The following MACROH2A2 variants were observed in gnomAD, a reference collection of about 807,000 sequenced individuals.
MACROH2A2 encodes core histone macro-H2A.2.
A neutral mutation model predicts 37.6 loss-of-function variants in MACROH2A2; 6 were observed. The observed-to-expected ratio is 0.16, with a 90% CI of 0.09 to 0.32. The LOEUF is 0.32. Among genes scored for constraint, MACROH2A2 ranks in the 10% least tolerant of loss-of-function variants. The pLI, the probability that MACROH2A2 is intolerant of heterozygous loss-of-function variation, is 1.00. For missense variants in MACROH2A2, 290 were observed against 485.9 expected (o/e 0.60, Z 3.79); for synonymous variants, 192 against 202.7 (o/e 0.95, Z 0.45).
chr10:70,071,020 C>T (rs55919533), intron 1 of MACROH2A2, among the ~76,000 whole-genome samples: 10,632 of 150,682 alleles, frequency 0.071, 430 homozygotes, highest in Middle Eastern at 0.19. Context: ...TGTGTGAGCG[C>T]GTGCATGTAT....
chr10:70,072,128 T>G (rs1438443718), intron 1 of MACROH2A2, among the ~76,000 whole-genome samples: 1 of 152,184 alleles, frequency 6.6e-6, no homozygotes, highest in Non-Finnish European at 1.5e-5. Flanking sequence ...TAATAACACT[T>G]AGCTTAAAAC....
At chr10:70,077,273 A>C (rs1183153499) in intron 2 of MACROH2A2, among the ~76,000 whole-genome samples, 1 of 152,222 alleles carries the variant, frequency 6.6e-6, no homozygotes, top group African/African-American at 2.4e-5. Context: ...TGCTTGTTTC[A>C]AATGCAAGTT....
intron 4 of MACROH2A2, among the ~76,000 whole-genome samples, chr10:70,092,902 G>A (rs1356418238): frequency 2.6e-5 from 4 of 152,120 alleles, no homozygotes; most frequent in African/African-American, 4.8e-5. Flanking sequence ...TATACTAGGT[G>A]TTTGGGTTAG....
In MACROH2A2 at chr10:70,100,237, G is replaced by A; in HGVS notation, c.718G>A (p.Glu240Lys). Reference protein sequence around the residue: ...GKALEKAGGKEFLETVKELRK... With the variant: ...GKALEKAGGKKFLETVKELRK... Reference sequence around the variant, plus strand: ...AGCCTTGGAAAAGGCTGGGGGAAAAGAGTTCTTGGAAACGGTAAAGGAGCT... The same window carrying A: ...AGCCTTGGAAAAGGCTGGGGGAAAAAAGTTCTTGGAAACGGTAAAGGAGCT... Residue 240 changes from glutamate to lysine, a missense_variant, in exon 7 of 9, where the codon GAG becomes AAG. This residue lies in a region of MACROH2A2 where 130 missense variants were observed against 257.1 expected (regional missense o/e 0.51). Coordinates refer to ENST00000373255, the MANE Select transcript of MACROH2A2 (RefSeq NM_018649.3). 1.2e-6 allele frequency: 2 copies of A among 1,611,096 alleles called. No individual in the cohort carries two copies. Among genetic ancestry groups the A allele is most frequent in the Non-Finnish European group, 1.7e-6 (2 of 1,177,502 alleles).
intron 7 of MACROH2A2, among the ~76,000 whole-genome samples, chr10:70,108,822 T>G (rs2072352681): frequency 6.6e-6 from 1 of 151,756 alleles, no homozygotes; most frequent in Admixed American, 6.6e-5. Flanking sequence ...CATTAAACGC[T>G]TCTACCCAAA....
intron 1 of MACROH2A2, among the ~76,000 whole-genome samples, chr10:70,060,725 A>G (rs1018253986): frequency 6.6e-6 from 1 of 152,272 alleles, no homozygotes; most frequent in Non-Finnish European, 1.5e-5. Context: ...GCTGCTTATA[A>G]CAATAAACTG....
At chr10:70,095,624 C>A in intron 5 of MACROH2A2, 30 bp from the exon 6 acceptor site, 1 of 1,002,778 alleles carries the variant, frequency 1.0e-6, no homozygotes, top group South Asian at 1.3e-5. Context: ...TTATCTTTTC[C>A]ACATTCACCA....
At chr10:70,095,594 T>A (rs1352924239) in intron 5 of MACROH2A2, 60 bp from the exon 6 acceptor site, 1 of 832,036 alleles carries the variant, frequency 1.2e-6, no homozygotes, top group Non-Finnish European at 2.1e-6. Context: ...AAGTAAAATA[T>A]GAGATTTTTC....
rs34688764 is a variant in MACROH2A2, at chr10:70,081,068, C to CAAAA, written c.172+5259_172+5262dup. Among the ~76,000 whole-genome samples, 19 of 45,812 alleles carry CAAAA rather than the reference C, an allele frequency of 4.1e-4. 1 individual carries two copies. The highest frequency in any genetic ancestry group is 1.4e-3 in the African/African-American group (16 of 11,308). The allele number at this position is 45,812 out of a possible 152,430, so 30.1% of individuals were successfully genotyped here. A position where few individuals can be genotyped will look rare whatever the true frequency, so the allele number is the denominator to read the frequency against. ...GGTGACCAAGCAAGGCCCTGTCTCT[C>CAAAA]AAAAAAAAAAAAAAAAAAAAAAAAG... On this transcript the variant is annotated intron_variant, in intron 2 of 8. Coordinates refer to ENST00000373255, the MANE Select transcript of MACROH2A2 (RefSeq NM_018649.3).
chr10:70,101,120 T>G (rs572232671), intron 7 of MACROH2A2, among the ~76,000 whole-genome samples: 1 of 152,168 alleles, frequency 6.6e-6, no homozygotes, highest in South Asian at 2.1e-4. Flanking sequence ...AGAGAGAAAG[T>G]GGGTCCAGGG....
intron 7 of MACROH2A2, among the ~76,000 whole-genome samples, chr10:70,104,204 A>G (rs959492096): frequency 6.6e-6 from 1 of 152,212 alleles, no homozygotes; most frequent in Non-Finnish European, 1.5e-5. Flanking sequence ...CTCTTATTGT[A>G]TGTAACATTA....
intron 7 of MACROH2A2, among the ~76,000 whole-genome samples, chr10:70,103,145 A>G (rs1244565198): frequency 6.6e-6 from 1 of 152,180 alleles, no homozygotes; most frequent in Admixed American, 6.5e-5. Context: ...AAGGGAGAAG[A>G]GAGCCCCTCA....
intron 1 of MACROH2A2, among the ~76,000 whole-genome samples, chr10:70,064,679 G>A (rs938346227): frequency 6.6e-6 from 1 of 152,180 alleles, no homozygotes; most frequent in African/African-American, 2.4e-5. Flanking sequence ...TTTATCAGGG[G>A]TTTCTGCTTT....
intron 5 of MACROH2A2, among the ~76,000 whole-genome samples, chr10:70,094,252 AAT>A (rs771017635): frequency 4.6e-5 from 7 of 152,202 alleles, no homozygotes; most frequent in African/African-American, 9.6e-5. Context: ...AGAAAATAGA[AAT>A]ATATGTTTCC....
At chr10:70,069,815 C>T (rs2072099069) in intron 1 of MACROH2A2, among the ~76,000 whole-genome samples, 1 of 151,572 alleles carries the variant, frequency 6.6e-6, no homozygotes. Flanking sequence ...GGATAAAAAC[C>T]CATTCAAGTT....
Position 70,090,143 on chromosome 10 carries a change from G to C in MACROH2A2, c.256G>C (p.Ala86Pro). ...IAPRHILLAV[A>P]NDEELNQLLK... ...CCCGAGACACATCTTGCTGGCAGTT[G>C]CCAATGACGAGGAGCTCAACCAGGT... The change falls in exon 3 of 9, where the codon GCC becomes CCC. Residue 86 changes from alanine to proline, a missense_variant. Physicochemically the swap from Ala to Pro is conservative, Grantham distance 27. Transcript: ENST00000373255. 1 of 1,612,890 alleles carries C rather than the reference G, an allele frequency of 6.2e-7. No homozygotes were observed. The highest frequency in any genetic ancestry group is 8.5e-7 in the Non-Finnish European group (1 of 1,178,842).
rs2072381197 is a variant in MACROH2A2 at position 70,112,169 on chromosome 10, G to GTAAC, written c.*489_*492dup. 6.6e-6 allele frequency: 1 copy of GTAAC among 150,870 alleles called. No individual in the cohort carries two copies. The highest frequency in any genetic ancestry group is 6.6e-5 in the Admixed American group (1 of 15,130). 9.3% of individuals were successfully genotyped at this position (150,870 alleles called of 1,614,324 possible). A position where few individuals can be genotyped will look rare whatever the true frequency, so the allele number is the denominator to read the frequency against. On this transcript the variant is annotated 3_prime_UTR_variant, in exon 9 of 9. Transcript: ENST00000373255. ...CCCCGCCCCCATCCCTATAATATCT[G>GTAAC]TAACTACTCCTAAAAAGGTTTTGAT... is the stretch of plus-strand genomic sequence containing the variant.
chr10:70,059,297 T>A (rs1057136231), intron 1 of MACROH2A2, among the ~76,000 whole-genome samples: 1 of 152,072 alleles, frequency 6.6e-6, no homozygotes, highest in Non-Finnish European at 1.5e-5. Flanking sequence ...GCGACCAAGC[T>A]GTTGAAGTTC....
intron 6 of MACROH2A2, among the ~76,000 whole-genome samples, chr10:70,097,963 C>G (rs949682577): frequency 6.6e-6 from 1 of 152,114 alleles, no homozygotes; most frequent in African/African-American, 2.4e-5. Context: ...AAGGGGGGCC[C>G]GAGTACGGTG....
Sources: gnomAD v4.1 joint callset for allele counts (sites outside exome capture counted in the v4.1 genomes callset) on GRCh38, gnomAD v4.1.1 for gene constraint, gnomAD v4.1.1 regional missense constraint, MANE v1.5 for transcripts, NCBI Gene and HGNC (gene_info 2026-07-23, HGNC 2026-07-21) for gene names.